Variants in TMEM230 observed in about 807,000 individuals in gnomAD.
The protein encoded by TMEM230 is UPF0414 transmembrane protein C20orf30.
Under a neutral mutation model 15.8 loss-of-function variants are expected in TMEM230, and 10 were observed. The ratio of observed to expected loss-of-function variants is 0.63; its 90% CI spans 0.39 to 1.07. TMEM230 has a LOEUF of 1.07. Among genes scored for constraint, TMEM230 ranks in the 50% least tolerant of loss-of-function variants. The pLI, the probability that TMEM230 is intolerant of heterozygous loss-of-function variation, is 0.01. For missense variants in TMEM230, 165 were observed against 193.3 expected (o/e 0.85, Z 0.87); for synonymous variants, 67 against 76.9 (o/e 0.87, Z 0.68).
At chr20:5,091,080 C>T (rs1600335357) in intron 3 of TMEM230, among the ~76,000 whole-genome samples, 1 of 152,172 alleles carries the variant, frequency 6.6e-6, no homozygotes, top group East Asian at 1.9e-4. Flanking sequence ...CTCACTGCCG[C>T]CTTGAACTCG....
intron 3 of TMEM230, among the ~76,000 whole-genome samples, chr20:5,092,715 C>CAA (rs749828640): frequency 2.3e-4 from 12 of 52,848 alleles, no homozygotes; most frequent in Admixed American, 2.2e-4. Context: ...AACTCCGTCT[C>CAA]AAAAAAAAAA....
exon 4 of TMEM230, chr20:5,069,309 T>C: frequency 6.5e-7 from 1 of 1,535,964 alleles, no homozygotes; most frequent in Non-Finnish European, 8.7e-7. Flanking sequence ...TAGATGTTTG[T>C]GGTCAGCTTT....
At chr20:5,071,760 T>G (rs915466454) in intron 3 of TMEM230, among the ~76,000 whole-genome samples, 1 of 152,192 alleles carries the variant, frequency 6.6e-6, no homozygotes, top group Non-Finnish European at 1.5e-5. Context: ...TTTTATTTTT[T>G]GAGACAGTCT....
chr20:5,072,389 A>T (rs562104183), intron 3 of TMEM230, among the ~76,000 whole-genome samples: 1 of 152,122 alleles, frequency 6.6e-6, no homozygotes, highest in Admixed American at 6.6e-5. Flanking sequence ...GCGAGTTTGC[A>T]GGACCATAGT....
intron 1 of TMEM230, 116 bp downstream of exon 1, chr20:5,112,845 G>C: frequency 1.3e-6 from 2 of 1,542,118 alleles, no homozygotes; most frequent in Non-Finnish European, 1.7e-6. Context: ...TGCCAGGGGG[G>C]ACGAATGCCC....
downstream of TMEM230, chr20:5,066,329 A>G (rs1363773118): frequency 6.6e-6 from 1 of 152,222 alleles, no homozygotes; most frequent in Non-Finnish European, 1.5e-5. Flanking sequence ...GGAGCATCCC[A>G]GAAAAGGCAA....
intron 2 of TMEM230, among the ~76,000 whole-genome samples, chr20:5,109,810 G>A (rs1212141965): frequency 6.6e-6 from 1 of 152,038 alleles, no homozygotes; most frequent in Non-Finnish European, 1.5e-5. Context: ...TAGAATAATG[G>A]GGACTTAAAT....
intron 3 of TMEM230, among the ~76,000 whole-genome samples, chr20:5,072,820 G>A (rs1212457066): frequency 8.1e-6 from 1 of 123,750 alleles, no homozygotes; most frequent in East Asian, 2.7e-4. Context: ...TTGCACTCCA[G>A]CCTGGAAGAC....
At chr20:5,086,777 G>T (rs2089350207) in intron 3 of TMEM230, among the ~76,000 whole-genome samples, 1 of 151,244 alleles carries the variant, frequency 6.6e-6, no homozygotes, top group Non-Finnish European at 1.5e-5. Context: ...ACAACTCACT[G>T]TAGCCTCAAC....
chr20:5,060,783 G>T, the TMEM230 span, among the ~76,000 whole-genome samples: 18,123 of 152,058 alleles, frequency 0.12, 1,305 homozygotes, highest in African/African-American at 0.19. Context: ...CCTTTTGGGG[G>T]ACATTTGAGT....
chr20:5,063,983 T>C (rs2088629479), downstream of TMEM230, among the ~76,000 whole-genome samples: 2 of 151,994 alleles, frequency 1.3e-5, no homozygotes, highest in African/African-American at 4.8e-5. Context: ...CAAGAAAGAC[T>C]GGCTGGGAGT....
At chr20:5,097,912 G>A (rs372513585), downstream of TMEM230, among the ~76,000 whole-genome samples, 40 of 150,596 alleles carry the variant, frequency 2.7e-4, 1 homozygote, top group South Asian at 8.2e-3. Context: ...ACCAGGCCCA[G>A]GCTTTAATCC....
chr20:5,079,354 A>G (rs771612290), intron 3 of TMEM230, among the ~76,000 whole-genome samples: 12 of 152,146 alleles, frequency 7.9e-5, no homozygotes, highest in Non-Finnish European at 1.6e-4. Flanking sequence ...TTCCTTGGCT[A>G]TTATATTAAT....
At chr20:5,069,180 C>A in exon 4 of TMEM230, 1 of 1,521,466 alleles carries the variant, frequency 6.6e-7, no homozygotes, top group Non-Finnish European at 8.8e-7. Context: ...AAATTAGAGG[C>A]ACCAACCTCA....
At chr20:5,106,855 G>C (rs961588497) in intron 3 of TMEM230, among the ~76,000 whole-genome samples, 4 of 151,906 alleles carry the variant, frequency 2.6e-5, no homozygotes, top group Non-Finnish European at 4.4e-5. Flanking sequence ...ACAAGTATAC[G>C]TCACCATGCC....
intron 3 of TMEM230, among the ~76,000 whole-genome samples, chr20:5,082,077 T>C (rs6084988): frequency 0.54 from 81,933 of 150,452 alleles, 22,806 homozygotes; most frequent in East Asian, 0.84. Context: ...AGCAGAGATG[T>C]GGTTTCGCCA....
At chr20:5,103,827 A>G (rs143316476) in intron 4 of TMEM230, among the ~76,000 whole-genome samples, 362 of 152,322 alleles carry the variant, frequency 2.4e-3, no homozygotes, top group African/African-American at 8.2e-3. Context: ...ACCTAAAACT[A>G]TGAAACTACT....
At chr20:5,081,543 C>T (rs1486611125) in intron 3 of TMEM230, among the ~76,000 whole-genome samples, 1 of 152,208 alleles carries the variant, frequency 6.6e-6, no homozygotes, top group Non-Finnish European at 1.5e-5. Context: ...AGTAGGCACA[C>T]ACGCCACCTA....
intron 4 of TMEM230, among the ~76,000 whole-genome samples, chr20:5,101,207 CTG>C (rs1416169703): frequency 6.6e-6 from 1 of 152,172 alleles, no homozygotes; most frequent in African/African-American, 2.4e-5. Flanking sequence ...ACACCATACT[CTG>C]TGTCCTGTGG....
Sources: allele counts gnomAD v4.1 joint callset (sites outside exome capture counted in the v4.1 genomes callset), GRCh38; gene constraint gnomAD v4.1.1; transcripts MANE v1.5; gene names NCBI Gene and HGNC (gene_info 2026-07-23, HGNC 2026-07-21).